The following DLC1 variants were observed in gnomAD, a reference collection of about 807,000 sequenced individuals.
DLC1 encodes DLC1 Rho GTPase activating protein.
Under a neutral mutation model 140.3 loss-of-function variants are expected in DLC1, and 54 were observed. The observed-to-expected ratio is 0.38, with a 90% CI of 0.31 to 0.48. DLC1 has a LOEUF of 0.48. Ranked by LOEUF, DLC1 falls within the 20% of genes least tolerant of loss-of-function variation. The pLI, the probability that DLC1 is intolerant of heterozygous loss-of-function variation, is 0.96. For synonymous variants in DLC1, 986 were observed against 728.1 expected, an observed-to-expected ratio of 1.35 and a Z score of -5.70; for missense variants, 2,536 against 1,907.0, an observed-to-expected ratio of 1.33 and a Z score of -6.14.
chr8:13,589,490 GGC>G (rs1805445157), intron 1 of DLC1, among the ~76,000 whole-genome samples: 1 of 151,976 alleles, frequency 6.6e-6, no homozygotes, highest in African/African-American at 2.4e-5. Flanking sequence ...GGGGAAAGTT[GGC>G]TTGTGTTGAG....
intron 1 of DLC1, among the ~76,000 whole-genome samples, chr8:13,540,734 C>G (rs547490049): frequency 1.3e-5 from 2 of 152,298 alleles, no homozygotes; most frequent in Admixed American, 6.5e-5. Context: ...AAAACCCCAA[C>G]CAGTTGGTCA....
At chr8:13,479,403 C>T (rs563797186) in intron 2 of DLC1, among the ~76,000 whole-genome samples, 2 of 152,128 alleles carry the variant, frequency 1.3e-5, no homozygotes, top group South Asian at 4.1e-4. Flanking sequence ...AGTTAAGAGA[C>T]ATAGATACAA....
intron 4 of DLC1, among the ~76,000 whole-genome samples, chr8:13,374,960 G>C (rs938076967): frequency 6.6e-6 from 1 of 151,660 alleles, no homozygotes; most frequent in African/African-American, 2.4e-5. Flanking sequence ...TGAAGCAATT[G>C]TGAATGGGAG....
At chr8:13,284,925 A>T (rs1223273669) in intron 5 of DLC1, among the ~76,000 whole-genome samples, 5 of 152,194 alleles carry the variant, frequency 3.3e-5, no homozygotes, top group Non-Finnish European at 7.3e-5. Context: ...GCATTTGAAG[A>T]CAATATTGCT....
rs563157198 is a variant in DLC1, at chr8:13,111,491, C to T, written c.1421-668G>A. On this transcript the variant is annotated intron_variant, in intron 6 of 17. Transcript: ENST00000276297. ...TGTAGAAGAGTTCATTCAGTTCTCTCGAGACAATGAAGAAGCTGTATCAGA... is the reference window on the plus strand; with the variant it reads ...TGTAGAAGAGTTCATTCAGTTCTCTTGAGACAATGAAGAAGCTGTATCAGA... 5.3e-5 allele frequency among the ~76,000 whole-genome samples: 8 copies of T among 152,200 alleles called. No individual in the cohort carries two copies. The East Asian group carries it at 1.4e-3, about 26-fold the overall frequency.
chr8:13,308,031 C>T (rs1448913915), intron 4 of DLC1, among the ~76,000 whole-genome samples: 1 of 152,202 alleles, frequency 6.6e-6, no homozygotes, highest in East Asian at 1.9e-4. Context: ...ATGGCAAACA[C>T]ATTTAAGTCA....
rs77753653 is a variant in DLC1, at chr8:13,406,181, G to GTTTTTTTTTTTTTT, written c.1024-4576_1024-4563dup. Among the ~76,000 whole-genome samples, 65 of 84,952 alleles carry GTTTTTTTTTTTTTT rather than the reference G, an allele frequency of 7.7e-4. 10 individuals are homozygous for GTTTTTTTTTTTTTT. The South Asian group carries it at 8.5e-3, about 11-fold the overall frequency. 55.7% of individuals were successfully genotyped at this position (84,952 alleles called of 152,430 possible). ...GCCACCATCCCCAGCTAATTTTTGT[G>GTTTTTTTTTTTTTT]TTTTTTTTTTTTTTTTTCAGTGGAG... On this transcript the variant is annotated intron_variant, in intron 2 of 17. Coordinates refer to ENST00000276297, the MANE Select transcript of DLC1 (RefSeq NM_182643.3).
At chr8:13,256,031 C>T (rs1830209699) in intron 5 of DLC1, among the ~76,000 whole-genome samples, 1 of 152,172 alleles carries the variant, frequency 6.6e-6, no homozygotes, top group East Asian at 1.9e-4. Flanking sequence ...TTAACCCCAT[C>T]TCTACAGATG....
At chr8:13,154,635 G>A (rs552717262) in intron 5 of DLC1, among the ~76,000 whole-genome samples, 1 of 152,332 alleles carries the variant, frequency 6.6e-6, no homozygotes, top group East Asian at 1.9e-4. Flanking sequence ...CCAGCCCAGA[G>A]AGGGGCTCCC....
intron 1 of DLC1, chr8:13,567,137 T>G: frequency 6.4e-7 from 1 of 1,551,768 alleles, no homozygotes; most frequent in Non-Finnish European, 8.7e-7. Flanking sequence ...TCCTCGCCCC[T>G]GACCTCTGGG....
intron 12 of DLC1, among the ~76,000 whole-genome samples, chr8:13,094,525 A>C (rs182955557): frequency 3.9e-5 from 6 of 152,112 alleles, no homozygotes; most frequent in African/African-American, 1.4e-4. Context: ...AATTAGCCAG[A>C]CGTGGTGGCG....
chr8:13,577,775 T>C (rs1217568272), intron 1 of DLC1, among the ~76,000 whole-genome samples: 1 of 152,180 alleles, frequency 6.6e-6, no homozygotes, highest in Non-Finnish European at 1.5e-5. Context: ...ATATAATTTG[T>C]TGGGAGAGAG....
chr8:13,448,564 T>C (rs770355145), intron 2 of DLC1, among the ~76,000 whole-genome samples: 24 of 152,124 alleles, frequency 1.6e-4, no homozygotes, highest in Non-Finnish European at 2.4e-4. Context: ...GATTTTGCCA[T>C]GTTGGCCAGG....
intron 1 of DLC1, among the ~76,000 whole-genome samples, chr8:13,599,914 A>G (rs1266587798): frequency 6.6e-6 from 1 of 152,010 alleles, no homozygotes; most frequent in Non-Finnish European, 1.5e-5. Context: ...TATATGTATC[A>G]GTCTGTATGA....
chr8:13,426,985 CT>C (rs1483587498), intron 2 of DLC1, among the ~76,000 whole-genome samples: 1 of 152,142 alleles, frequency 6.6e-6, no homozygotes. Flanking sequence ...ATGAATCCCC[CT>C]GGCTTTTGTC....
At chr8:13,379,877 C>T (rs1446455139) in intron 4 of DLC1, among the ~76,000 whole-genome samples, 1 of 152,176 alleles carries the variant, frequency 6.6e-6, no homozygotes, top group Non-Finnish European at 1.5e-5. Context: ...CCATCATTCT[C>T]AGCAAACTAA....
chr8:13,570,500 G>T (rs528494717), intron 1 of DLC1, among the ~76,000 whole-genome samples: 1 of 131,236 alleles, frequency 7.6e-6, no homozygotes, highest in Admixed American at 8.8e-5. Context: ...CTGTGTCCGT[G>T]TGATCTCATT....
intron 4 of DLC1, among the ~76,000 whole-genome samples, chr8:13,354,147 A>G (rs1158655196): frequency 6.6e-6 from 1 of 151,862 alleles, no homozygotes; most frequent in Non-Finnish European, 1.5e-5. Context: ...CCTATTGATC[A>G]ATATTTGTTC....
chr8:13,465,099 A>G (rs1799872113), intron 2 of DLC1, among the ~76,000 whole-genome samples: 1 of 152,132 alleles, frequency 6.6e-6, no homozygotes, highest in Non-Finnish European at 1.5e-5. Flanking sequence ...TCATATCTGT[A>G]TGATATGCCA....
Sources: gnomAD v4.1 joint callset for allele counts (sites outside exome capture counted in the v4.1 genomes callset) on GRCh38, gnomAD v4.1.1 for gene constraint, MANE v1.5 for transcripts, NCBI Gene and HGNC (gene_info 2026-07-23, HGNC 2026-07-21) for gene names.